Variants in TRIB2 observed in about 807,000 individuals in gnomAD.
TRIB2 encodes tribbles pseudokinase 2, also known as tribbles homolog 2.
Under a neutral mutation model 26.8 loss-of-function variants are expected in TRIB2, and 2 were observed. The ratio of observed to expected loss-of-function variants is 0.07; its 90% CI spans 0.03 to 0.24. The LOEUF (loss-of-function observed/expected upper bound fraction) is 0.24. Ranked by LOEUF, TRIB2 falls within the 10% of genes least tolerant of loss-of-function variation. The probability of loss-of-function intolerance (pLI) is 1.00; values close to 1 mark genes in which losing one functional copy is unlikely to be tolerated. For missense variants in TRIB2, 306 were observed against 449.0 expected, an observed-to-expected ratio of 0.68 and a Z score of 2.88; for synonymous variants, 189 against 187.3, an observed-to-expected ratio of 1.01 and a Z score of -0.08.
chr2:12,740,937 C>A lies in TRIB2; in HGVS notation c.*143C>A. 1 of 806,794 alleles carries A rather than the reference C, an allele frequency of 1.2e-6. No individual in the cohort carries two copies. Among genetic ancestry groups the A allele is most frequent in the Non-Finnish European group, 1.9e-6 (1 of 523,058 alleles). The allele number at this position is 806,794 out of a possible 1,614,324, so 50.0% of individuals were successfully genotyped here. Reference sequence around the variant, plus strand: ...TCTTGGTTCAGAGCAGGAAAACCTTCAAGGAGCTGACTGACCACGTAGCAT... The same window carrying A: ...TCTTGGTTCAGAGCAGGAAAACCTTAAAGGAGCTGACTGACCACGTAGCAT... On this transcript the variant is annotated 3_prime_UTR_variant, in exon 3 of 3. Coordinates refer to ENST00000155926, the MANE Select transcript of TRIB2 (RefSeq NM_021643.4). This position sits in a 1 kb window ranked among gnomAD's most constrained non-coding sequence, Gnocchi z 5.8.
At chr2:12,723,677 G>A in intron 2 of TRIB2, 125 bp downstream of exon 2, 2 of 1,138,198 alleles carry the variant, frequency 1.8e-6, no homozygotes, top group Non-Finnish European at 2.4e-6. Flanking sequence ...GGAATCTTAG[G>A]AGGGCAAAAG....
intron 2 of TRIB2, among the ~76,000 whole-genome samples, chr2:12,737,947 A>C (rs1661619536): frequency 6.6e-6 from 1 of 152,176 alleles, no homozygotes; most frequent in Non-Finnish European, 1.5e-5. Context: ...ACAGCAGGTG[A>C]GAGACAGAGC....
rs1666648839 is a variant in TRIB2, at chr2:12,718,402, C to T, written c.95C>T (p.Ser32Phe). The T allele has an allele frequency of 1.2e-6, 2 of 1,614,220 alleles. No homozygotes were observed. Among genetic ancestry groups the T allele is most frequent in the Non-Finnish European group, 1.7e-6 (2 of 1,180,042 alleles). The part of the protein sequence containing the change: ...QDFEELSSIR[S>F]AEPSQSFSPN... ...TTCGAAGAGTTGTCGTCTATAAGGT[C>T]CGCGGAGCCCAGCCAGAGTTTCAGC... is the stretch of plus-strand genomic sequence containing the variant. The change falls in exon 1 of 3, where the codon TCC becomes TTC. Residue 32 changes from serine (S) to phenylalanine (F), a missense_variant. Ser to Phe is a radical substitution (Grantham distance 155). Around this residue, in one of 4 missense-constraint regions of TRIB2, gnomAD observed 99 missense variants for 106.5 expected, o/e 0.93. Transcript: ENST00000155926. This position sits in a 1 kb window ranked among gnomAD's most constrained non-coding sequence, Gnocchi z 4.0.
At chr2:12,734,486 C>T (rs1390560889) in intron 2 of TRIB2, among the ~76,000 whole-genome samples, 1 of 152,076 alleles carries the variant, frequency 6.6e-6, no homozygotes, top group Non-Finnish European at 1.5e-5. Context: ...ATGCTGGGGA[C>T]TTGCATTTCG....
intron 2 of TRIB2, 36 bp downstream of exon 2, chr2:12,723,588 T>G (rs113431291): frequency 1.3e-6 from 2 of 1,588,360 alleles, no homozygotes; most frequent in Non-Finnish European, 1.7e-6. Flanking sequence ...GGTACTGTGA[T>G]GGACTGCTCC....
Position 12,740,321 on chromosome 2 carries a change from T to C in TRIB2, c.564-5T>C, listed in dbSNP as rs1661686537. ...AGGAGCTTATGTTTTCCTCCTTTCTTGCAGGACTCGGGTCAAGCTGGAAAG... is the reference window on the plus strand; with the variant it reads ...AGGAGCTTATGTTTTCCTCCTTTCTCGCAGGACTCGGGTCAAGCTGGAAAG... On this transcript the variant is annotated splice_region_variant and splice_polypyrimidine_tract_variant and intron_variant, in intron 2 of 2. Coordinates refer to ENST00000155926, the MANE Select transcript of TRIB2 (RefSeq NM_021643.4). The surrounding 1 kb of genome is among the most constrained non-coding windows in gnomAD (Gnocchi z 5.8). 1 of 1,611,376 alleles carries C rather than the reference T, an allele frequency of 6.2e-7. No individual in the cohort carries two copies. The highest frequency in any genetic ancestry group is 8.5e-7 in the Non-Finnish European group (1 of 1,177,872).
chr2:12,723,589 GGA>G, intron 2 of TRIB2, 37 bp downstream of exon 2: 1 of 1,587,336 alleles, frequency 6.3e-7, no homozygotes, highest in Non-Finnish European at 8.6e-7. Context: ...GTACTGTGAT[GGA>G]CTGCTCCTAA....
At position 12,726,900 on chromosome 2, in the gene TRIB2, G is replaced by A. The variant is rs575996732; in HGVS notation, c.563+3348G>A. Among the ~76,000 whole-genome samples the A allele has an allele frequency of 1.1e-4, 16 of 152,278 alleles. 1 individual carries two copies. Among genetic ancestry groups the A allele is most frequent in the African/African-American group, 3.8e-4 (16 of 41,560 alleles). The stretch of plus-strand genomic sequence containing the variant: ...ACTCCTTGTGCCTAAAGTTTCGATT[G>A]TGTGCCATCTGGGACTCTGCATCCA... On this transcript the variant is annotated intron_variant, in intron 2 of 2. Coordinates refer to ENST00000155926, the MANE Select transcript of TRIB2 (RefSeq NM_021643.4).
At position 12,732,252 on chromosome 2, in the gene TRIB2, C is replaced by T. The variant is rs1166691300; in HGVS notation, c.564-8074C>T. Among the ~76,000 whole-genome samples, 2 of 152,140 alleles carry T rather than the reference C, an allele frequency of 1.3e-5. No homozygotes were observed. The highest frequency in any genetic ancestry group is 3.9e-4 in the East Asian group (2 of 5,180). On this transcript the variant is annotated intron_variant, in intron 2 of 2. Coordinates refer to ENST00000155926, the MANE Select transcript of TRIB2 (RefSeq NM_021643.4). This position sits in a 1 kb window ranked among gnomAD's most constrained non-coding sequence, Gnocchi z 4.2. ...CTGCATGCGGACAGGGCAGGGATTC[C>T]GTCGTGGCCGGGTAGATGGCACTGC...
At position 12,729,652 on chromosome 2, in the gene TRIB2, C is replaced by A. The variant is rs79110076; in HGVS notation, c.563+6100C>A. Among the ~76,000 whole-genome samples, 56 of 152,240 alleles carry A rather than the reference C, an allele frequency of 3.7e-4. No individual in the cohort carries two copies. The East Asian group carries it at 0.01, about 27-fold the overall frequency. ...TATTCATGAAGGGCTTTTCTAATCA[C>A]GGTTAGAAAGGGGAGAGCTTCCTCC... On this transcript the variant is annotated intron_variant, in intron 2 of 2. Transcript: ENST00000155926.
At chr2:12,723,219 A>C in intron 1 of TRIB2, 41 bp from the exon 2 acceptor site, 1 of 1,583,604 alleles carries the variant, frequency 6.3e-7, no homozygotes, top group Non-Finnish European at 8.6e-7. Flanking sequence ...GTTGTACAAG[A>C]GGCACCTCTG....
intron 2 of TRIB2, among the ~76,000 whole-genome samples, chr2:12,727,025 T>C (rs192069404): frequency 4.6e-5 from 7 of 152,338 alleles, no homozygotes; most frequent in African/African-American, 1.7e-4. Flanking sequence ...CCCAGCGTTA[T>C]GTTTGGACCT....
At position 12,723,479 on chromosome 2, in the gene TRIB2, G is replaced by A. The variant is rs1200015713; in HGVS notation, c.490G>A (p.Ala164Thr). ...GTTCTACCAGATTGCCTCGGCAGTGGCCCACTGCCATGACGGGGGGCTGGT... is the reference window on the plus strand; with the variant it reads ...GTTCTACCAGATTGCCTCGGCAGTGACCCACTGCCATGACGGGGGGCTGGT... ...RLFYQIASAVAHCHDGGLVLR... is the reference protein window; with the variant it reads ...RLFYQIASAVTHCHDGGLVLR... Residue 164 changes from alanine to threonine, a missense_variant, in exon 2 of 3, where the codon GCC (alanine) becomes ACC (threonine). Coordinates refer to ENST00000155926, the MANE Select transcript of TRIB2 (RefSeq NM_021643.4). The A allele has an allele frequency of 6.2e-7, 1 of 1,614,228 alleles. No individual in the cohort carries two copies. The highest frequency in any genetic ancestry group is 2.2e-5 in the East Asian group (1 of 44,888).
chr2:12,718,508 G>A lies in TRIB2; in HGVS notation c.201G>A (p.Leu67=). ...CTTGTATCGGGAAATACTTATTGTTGGAACCTCTGGAGGGAGACCACGTTT... is the reference window on the plus strand; with the variant it reads ...CTTGTATCGGGAAATACTTATTGTTAGAACCTCTGGAGGGAGACCACGTTT... The part of the protein sequence containing the change: ...CVSCIGKYLL[L]EPLEGDHVFR... The change falls in exon 1 of 3, where the codon TTG becomes TTA. Residue 67 remains leucine (L), a synonymous_variant. Coordinates refer to ENST00000155926, the MANE Select transcript of TRIB2 (RefSeq NM_021643.4). This position sits in a 1 kb window ranked among gnomAD's most constrained non-coding sequence, Gnocchi z 4.0. 6.2e-7 allele frequency: 1 copy of A among 1,614,182 alleles called. No individual in the cohort carries two copies.
In TRIB2 at chr2:12,718,609, G is replaced by A. The variant is rs140897683; in HGVS notation, c.270+32G>A. 82 of 1,600,792 alleles carry A rather than the reference G, an allele frequency of 5.1e-5. No individual in the cohort carries two copies. The African/African-American group carries it at 1.0e-3, about 20-fold the overall frequency. On this transcript the variant is annotated intron_variant, in intron 1 of 2. Coordinates refer to ENST00000155926, the MANE Select transcript of TRIB2 (RefSeq NM_021643.4). This position sits in a 1 kb window ranked among gnomAD's most constrained non-coding sequence, Gnocchi z 4.0. ...GGCCAGTGGGTTGCTTTTTGTCTTTGGAAGGGGCCCGAGGGAGCGGGAGGG... is the reference window on the plus strand; with the variant it reads ...GGCCAGTGGGTTGCTTTTTGTCTTTAGAAGGGGCCCGAGGGAGCGGGAGGG...
chr2:12,727,201 A>C (rs1225249088), intron 2 of TRIB2, among the ~76,000 whole-genome samples: 1 of 152,236 alleles, frequency 6.6e-6, no homozygotes, highest in Non-Finnish European at 1.5e-5. Context: ...TCAAAGCAGA[A>C]ATAATAATGG....
At chr2:12,727,823 A>G (rs1558316884) in intron 2 of TRIB2, among the ~76,000 whole-genome samples, 1 of 150,322 alleles carries the variant, frequency 6.7e-6, no homozygotes, top group Non-Finnish European at 1.5e-5. Context: ...GTGTAGTAAA[A>G]TCTCAGACAG....
intron 1 of TRIB2, among the ~76,000 whole-genome samples, chr2:12,720,478 T>A (rs928978930): frequency 6.6e-6 from 1 of 152,210 alleles, no homozygotes; most frequent in Non-Finnish European, 1.5e-5. Flanking sequence ...CAAGCATAGT[T>A]GTGTATCTCC....
At chr2:12,724,417 T>G (rs1373436564) in intron 2 of TRIB2, among the ~76,000 whole-genome samples, 1 of 152,260 alleles carries the variant, frequency 6.6e-6, no homozygotes, top group East Asian at 1.9e-4. Context: ...CTTTTTGTTC[T>G]TTTTAAGAAT....
Sources: gnomAD v4.1 joint callset for allele counts (sites outside exome capture counted in the v4.1 genomes callset) on GRCh38, gnomAD v4.1.1 for gene constraint, gnomAD v4.1.1 regional missense constraint, Gnocchi (gnomAD v3.1) non-coding constraint, MANE v1.5 for transcripts, NCBI Gene and HGNC (gene_info 2026-07-23, HGNC 2026-07-21) for gene names.